The following UTP15 variants were observed in gnomAD, a reference collection of about 807,000 sequenced individuals.
UTP15 encodes the protein UTP15 small subunit processome component.
A neutral mutation model predicts 59.1 loss-of-function variants in UTP15; 5 were observed. The observed-to-expected ratio is 0.08, with a 90% CI of 0.04 to 0.18. The LOEUF (loss-of-function observed/expected upper bound fraction) is 0.18, where lower values mean the gene tolerates loss of function less well. UTP15 is among the 10% of genes least tolerant of loss of function. UTP15 has a pLI of 1.00. For missense variants in UTP15, 494 were observed against 616.7 expected, an observed-to-expected ratio of 0.80 and a Z score of 2.11; for synonymous variants, 211 against 212.2, an observed-to-expected ratio of 0.99 and a Z score of 0.05.
intron 12 of UTP15, 101 bp downstream of exon 12, chr5:73,579,476 T>C (rs1160213142): frequency 1.6e-5 from 15 of 920,292 alleles, no homozygotes; most frequent in Non-Finnish European, 5.0e-6. Flanking sequence ...ATCTTGCTTT[T>C]ATCAAATCTC....
At chr5:73,577,769 C>A in intron 8 of UTP15, 87 bp from the exon 9 acceptor site, 1 of 1,149,492 alleles carries the variant, frequency 8.7e-7, no homozygotes, top group Non-Finnish European at 1.2e-6. Context: ...GGACAAGCAG[C>A]AAACACATGG....
intron 2 of UTP15, 148 bp downstream of exon 2, chr5:73,567,582 A>G (rs1236059269): frequency 1.9e-5 from 10 of 532,746 alleles, no homozygotes; most frequent in East Asian, 3.2e-5. Flanking sequence ...TTTGATATCT[A>G]TTTTTTCTTG....
intron 1 of UTP15, among the ~76,000 whole-genome samples, chr5:73,566,721 G>A (rs1328132833): frequency 1.3e-5 from 2 of 152,194 alleles, no homozygotes; most frequent in African/African-American, 4.8e-5. Flanking sequence ...TTTAATTTCA[G>A]GACTGCTTTA....
At chr5:73,572,086 C>T (rs1288377193) in intron 6 of UTP15, among the ~76,000 whole-genome samples, 1 of 152,080 alleles carries the variant, frequency 6.6e-6, no homozygotes, top group Non-Finnish European at 1.5e-5. Flanking sequence ...TTTCAGTCTC[C>T]CCTTCCATCC....
chr5:73,571,918 T>G (rs819580), intron 6 of UTP15, among the ~76,000 whole-genome samples: 25,381 of 152,244 alleles, frequency 0.17, 2,679 homozygotes, highest in Non-Finnish European at 0.23. Flanking sequence ...ACTAGCTAAT[T>G]GTGACCTCGG....
At chr5:73,567,877 G>T (rs183054804) in intron 2 of UTP15, among the ~76,000 whole-genome samples, 1 of 152,170 alleles carries the variant, frequency 6.6e-6, no homozygotes, top group Non-Finnish European at 1.5e-5. Flanking sequence ...GAAGCAAGAT[G>T]TGGAACAGCC....
intron 12 of UTP15, 114 bp from the exon 13 acceptor site, chr5:73,579,763 C>T: frequency 1.9e-6 from 1 of 536,612 alleles, no homozygotes; most frequent in Non-Finnish European, 3.1e-6. Context: ...AAAATAAGTA[C>T]AGATTTTTCA....
At position 73,580,815 on chromosome 5, in the gene UTP15, A is replaced by G. The variant is rs1233788431; in HGVS notation, c.*721A>G. 2.0e-5 allele frequency: 3 copies of G among 151,884 alleles called. No individual in the cohort carries two copies. The highest frequency in any genetic ancestry group is 2.9e-5 in the Non-Finnish European group (2 of 67,988). 9.4% of individuals were successfully genotyped at this position (151,884 alleles called of 1,614,324 possible). Reference sequence around the variant, plus strand: ...AAGTTTTCACCTTGTTTCAGGTCAGAGGAATGATAGAATTTGTCATTTTTC... The same window carrying G: ...AAGTTTTCACCTTGTTTCAGGTCAGGGGAATGATAGAATTTGTCATTTTTC... On this transcript the variant is annotated 3_prime_UTR_variant, in exon 13 of 13. Coordinates refer to ENST00000296792, the MANE Select transcript of UTP15 (RefSeq NM_032175.4).
rs567464155 is a variant in UTP15, at chr5:73,578,700, A to G, written c.1045-51A>G. 4.7e-6 allele frequency: 7 copies of G among 1,502,522 alleles called. No homozygotes were observed. The Admixed American group carries it at 6.8e-5, about 15-fold the overall frequency. 93.1% of individuals were successfully genotyped at this position (1,502,522 alleles called of 1,614,324 possible). On this transcript the variant is annotated intron_variant, in intron 9 of 12. Transcript: ENST00000296792. Reference sequence around the variant, plus strand: ...ATGAAAAAGTTTATATTAAATGTATATTTACACAGATGCTGATTTTCCTTC... The same window carrying G: ...ATGAAAAAGTTTATATTAAATGTATGTTTACACAGATGCTGATTTTCCTTC...
intron 1 of UTP15, chr5:73,566,248 C>G: frequency 4.6e-6 from 1 of 215,676 alleles, no homozygotes; most frequent in South Asian, 6.2e-5. Flanking sequence ...ATCTTGTTAA[C>G]TATTTGGATG....
intron 4 of UTP15, 56 bp downstream of exon 4, chr5:73,568,660 T>G: frequency 6.7e-7 from 1 of 1,500,988 alleles, no homozygotes; most frequent in African/African-American, 1.4e-5. Flanking sequence ...AAGCTCTTTT[T>G]TTCTCTGGAC....
chr5:73,567,925 C>G (rs1276085966), intron 2 of UTP15, among the ~76,000 whole-genome samples: 1 of 152,070 alleles, frequency 6.6e-6, no homozygotes, highest in East Asian at 1.9e-4. Context: ...TTTAAAAGTA[C>G]AAGTACGTGG....
chr5:73,576,828 A>T (rs1455301786), intron 7 of UTP15, 124 bp from the exon 8 acceptor site: 1 of 685,524 alleles, frequency 1.5e-6, no homozygotes, highest in East Asian at 2.6e-5. Flanking sequence ...TAACATTACT[A>T]ATCTTTGTTT....
At chr5:73,577,829 C>T (rs370707701) in intron 8 of UTP15, 27 bp from the exon 9 acceptor site, 60 of 1,562,456 alleles carry the variant, frequency 3.8e-5, no homozygotes, top group Non-Finnish European at 4.9e-5. Flanking sequence ...TAAGAATAGA[C>T]TAACTTATTT....
rs1416632186 is a variant in UTP15 at position 73,579,052 on chromosome 5, G to A, written c.1182G>A (p.Val394=). ...TCTIKTPEIT[V]SIIKELNRRG... ...CAATAAAGACACCCGAGATTACGGTGTCCATCATAAAGGAGTTAAATCGAA... is the reference window on the plus strand; with the variant it reads ...CAATAAAGACACCCGAGATTACGGTATCCATCATAAAGGAGTTAAATCGAA... The change falls in exon 11 of 13, where the codon GTG becomes GTA. Residue 394 remains valine (V), a synonymous_variant. Coordinates refer to ENST00000296792, the MANE Select transcript of UTP15 (RefSeq NM_032175.4). 2 of 1,613,916 alleles carry A rather than the reference G, an allele frequency of 1.2e-6. No individual in the cohort carries two copies. Among genetic ancestry groups the A allele is most frequent in the Non-Finnish European group, 1.7e-6 (2 of 1,179,880 alleles).
At chr5:73,578,687 A>T in intron 9 of UTP15, 64 bp from the exon 10 acceptor site, 2 of 1,385,578 alleles carry the variant, frequency 1.4e-6, no homozygotes, top group Non-Finnish European at 2.0e-6. Flanking sequence ...GAAAAAGTTT[A>T]TATTAAATGT....
chr5:73,574,360 A>G (rs886762776), intron 7 of UTP15, among the ~76,000 whole-genome samples: 2 of 152,088 alleles, frequency 1.3e-5, no homozygotes, highest in African/African-American at 2.4e-5. Flanking sequence ...TTACTGTCTC[A>G]GTTTTTAAAT....
At chr5:73,571,509 T>G (rs1747931235) in intron 6 of UTP15, among the ~76,000 whole-genome samples, 1 of 152,034 alleles carries the variant, frequency 6.6e-6, no homozygotes, top group African/African-American at 2.4e-5. Context: ...ATTAGAAGAA[T>G]GTATAGGTAG....
chr5:73,566,037 T>G, intron 1 of UTP15, 125 bp downstream of exon 1: 1 of 352,322 alleles, frequency 2.8e-6, no homozygotes, highest in South Asian at 2.1e-5. Context: ...TTTAACCGGC[T>G]CAAGTTCCCC....
Sources: allele counts gnomAD v4.1 joint callset (sites outside exome capture counted in the v4.1 genomes callset), GRCh38; gene constraint gnomAD v4.1.1; transcripts MANE v1.5; gene names NCBI Gene and HGNC (gene_info 2026-07-23, HGNC 2026-07-21).